Variants in DOK6 observed in about 807,000 individuals in gnomAD.
The protein encoded by DOK6 is docking protein 6, also known as downstream of tyrosine kinase 6.
DOK6 carries 22 observed loss-of-function variants against 44.0 expected under a neutral mutation model. The observed-to-expected ratio is 0.50, with a 90% CI of 0.36 to 0.71. DOK6 has a LOEUF of 0.71. Ranked by LOEUF, DOK6 falls within the 30% of genes least tolerant of loss-of-function variation. The pLI, the probability that DOK6 is intolerant of heterozygous loss-of-function variation, is 0.00. For synonymous variants in DOK6, 166 were observed against 145.5 expected (o/e 1.14, Z -1.01); for missense variants, 340 against 416.4 (o/e 0.82, Z 1.60).
At chr18:69,411,103 T>C (rs113780979) in intron 1 of DOK6, among the ~76,000 whole-genome samples, 2 of 152,162 alleles carry the variant, frequency 1.3e-5, no homozygotes, top group African/African-American at 4.8e-5. Context: ...AGATAGTAGG[T>C]ACCCTTGTGG....
At chr18:69,828,371 TTCAAATGAATTATCTATTTGC>T (rs1981802792) in intron 7 of DOK6, among the ~76,000 whole-genome samples, 1 of 151,860 alleles carries the variant, frequency 6.6e-6, no homozygotes, top group African/African-American at 2.4e-5. Context: ...TTCATAATTA[TTCAAATGAATTATCTATTTGC>T]TAATGGTAAA....
At chr18:69,632,963 C>T (rs970413820) in intron 3 of DOK6, among the ~76,000 whole-genome samples, 5 of 152,148 alleles carry the variant, frequency 3.3e-5, no homozygotes, top group African/African-American at 1.2e-4. Context: ...CCTGAGTCCT[C>T]AGTTTGTATG....
intron 7 of DOK6, among the ~76,000 whole-genome samples, chr18:69,791,940 A>G (rs1253831924): frequency 6.6e-6 from 1 of 152,094 alleles, no homozygotes; most frequent in Non-Finnish European, 1.5e-5. Context: ...ATGGTGAGAG[A>G]TAAGGATCTA....
At chr18:69,746,361 A>T (rs1213018214) in intron 6 of DOK6, among the ~76,000 whole-genome samples, 1 of 152,100 alleles carries the variant, frequency 6.6e-6, no homozygotes, top group East Asian at 1.9e-4. Flanking sequence ...AGTTTCAAGC[A>T]ATTCTCGTGC....
chr18:69,715,853 T>C (rs1986869724), intron 5 of DOK6, among the ~76,000 whole-genome samples: 1 of 152,208 alleles, frequency 6.6e-6, no homozygotes, highest in Admixed American at 6.5e-5. Flanking sequence ...TTTTTGAGGC[T>C]GATGAAGGAA....
intron 3 of DOK6, among the ~76,000 whole-genome samples, chr18:69,620,452 G>A (rs1448472789): frequency 1.3e-5 from 2 of 152,052 alleles, no homozygotes; most frequent in East Asian, 3.9e-4. Flanking sequence ...TTTCCTTTAA[G>A]CATTTAGTAT....
At chr18:69,482,348 C>CTCAGTTGATTTATTTTTGCTGA (rs1352530367) in intron 1 of DOK6, among the ~76,000 whole-genome samples, 2 of 150,456 alleles carry the variant, frequency 1.3e-5, no homozygotes, top group African/African-American at 4.9e-5. Flanking sequence ...GGATTTTAAA[C>CTCAGTTGATTTATTTTTGCTGA]TGGGCTTGGC....
intron 1 of DOK6, among the ~76,000 whole-genome samples, chr18:69,422,378 T>G (rs1257579806): frequency 1.3e-5 from 2 of 152,242 alleles, no homozygotes; most frequent in African/African-American, 4.8e-5. Flanking sequence ...ACTCAAATTT[T>G]TATAAAATAT....
intron 4 of DOK6, among the ~76,000 whole-genome samples, chr18:69,694,087 A>G (rs1986338755): frequency 7.0e-6 from 1 of 142,372 alleles, no homozygotes; most frequent in South Asian, 2.2e-4. Context: ...AAAAAAAAAA[A>G]AAATTGATCT....
intron 4 of DOK6, among the ~76,000 whole-genome samples, chr18:69,683,455 T>C (rs1243282534): frequency 2.0e-5 from 3 of 152,242 alleles, no homozygotes; most frequent in African/African-American, 7.2e-5. Context: ...GGGTTGGCCA[T>C]AATCCAATGA....
chr18:69,405,668 T>C (rs764706528), intron 1 of DOK6, among the ~76,000 whole-genome samples: 4 of 152,158 alleles, frequency 2.6e-5, no homozygotes, highest in Non-Finnish European at 5.9e-5. Context: ...TTTTGTCCTT[T>C]AGACCATTTT....
Position 69,584,423 on chromosome 18 carries a change from G to A in DOK6, c.175-14961G>A, listed in dbSNP as rs139576610. On this transcript the variant is annotated intron_variant, in intron 2 of 7. Coordinates refer to ENST00000382713, the MANE Select transcript of DOK6 (RefSeq NM_152721.6). ...TTCTCCTGCCTCAGCCACTCGAGTA[G>A]CTGAGATTACAGCTGTGGCCACCAG... 8.3e-3 allele frequency among the ~76,000 whole-genome samples: 1,256 copies of A among 152,098 alleles called. 7 individuals carry two copies. The highest frequency in any genetic ancestry group is 0.012 in the Non-Finnish European group (792 of 68,002).
At chr18:69,567,315 A>T (rs1269897212) in intron 2 of DOK6, among the ~76,000 whole-genome samples, 1 of 151,998 alleles carries the variant, frequency 6.6e-6, no homozygotes, top group Non-Finnish European at 1.5e-5. Context: ...ATGTGTCTTT[A>T]TTTTTTAAAA....
At chr18:69,624,749 C>G (rs115124140) in intron 3 of DOK6, among the ~76,000 whole-genome samples, 2,235 of 152,088 alleles carry the variant, frequency 0.015, 43 homozygotes, top group African/African-American at 0.051. Flanking sequence ...TATAATGAAT[C>G]CTGGCTTTGC....
intron 3 of DOK6, among the ~76,000 whole-genome samples, chr18:69,624,894 T>A (rs193261270): frequency 6.6e-6 from 1 of 152,126 alleles, no homozygotes; most frequent in South Asian, 2.1e-4. Context: ...CTTCTTTACA[T>A]GTTTTCCCAA....
intron 1 of DOK6, among the ~76,000 whole-genome samples, chr18:69,449,151 G>T (rs983511778): frequency 1.5e-4 from 23 of 152,286 alleles, no homozygotes; most frequent in Middle Eastern, 3.4e-3. Flanking sequence ...ACTAGTTTTT[G>T]TTATTCTTGT....
At chr18:69,401,763 G>T (rs1343704486) in intron 1 of DOK6, among the ~76,000 whole-genome samples, 2 of 152,130 alleles carry the variant, frequency 1.3e-5, no homozygotes, top group Non-Finnish European at 2.9e-5. Flanking sequence ...CGAAATTCCC[G>T]TCTGATGCCC....
chr18:69,817,476 G>A lies in DOK6; in HGVS notation c.857-23768G>A, dbSNP rs1981434550. On this transcript the variant is annotated intron_variant, in intron 7 of 7. Transcript: ENST00000382713. ...GATTTATTTTCTCACAGTTCTGAAA[G>A]CTGAAAGTCTGAGGGCTCTCTTCGT... is the stretch of plus-strand genomic sequence containing the variant. Among the ~76,000 whole-genome samples the A allele has an allele frequency of 3.3e-5, 5 of 152,262 alleles. No individual in the cohort carries two copies. The South Asian group carries it at 6.2e-4, about 19-fold the overall frequency.
intron 2 of DOK6, among the ~76,000 whole-genome samples, chr18:69,598,268 A>G (rs1355624874): frequency 6.6e-6 from 1 of 151,582 alleles, no homozygotes; most frequent in Non-Finnish European, 1.5e-5. Context: ...TAACTATAAT[A>G]TGCAAATGTG....
Sources: allele counts gnomAD v4.1 joint callset (sites outside exome capture counted in the v4.1 genomes callset), GRCh38; gene constraint gnomAD v4.1.1; transcripts MANE v1.5; gene names NCBI Gene and HGNC (gene_info 2026-07-23, HGNC 2026-07-21).